The following AXDND1 variants were observed in gnomAD, a reference collection of about 807,000 sequenced individuals.
The protein encoded by AXDND1 is axonemal dynein light chain domain containing 1.
In AXDND1, 110 loss-of-function variants were observed where a neutral mutation model predicts 137.5. That is an observed-to-expected ratio of 0.80 (90% CI 0.69 to 0.94). The LOEUF (loss-of-function observed/expected upper bound fraction) is 0.94, where lower values mean the gene tolerates loss of function less well. AXDND1 is among the 40% of genes least tolerant of loss of function. AXDND1 has a pLI of 0.00. For missense variants in AXDND1, 1,191 were observed against 1,169.8 expected (o/e 1.02, Z -0.26); for synonymous variants, 414 against 399.7 (o/e 1.04, Z -0.43).
chr1:179,430,596 G>A lies in AXDND1; in HGVS notation c.1477G>A (p.Glu493Lys). 1 of 1,609,450 alleles carries A rather than the reference G, an allele frequency of 6.2e-7. No homozygotes were observed. The highest frequency in any genetic ancestry group is 1.1e-5 in the South Asian group (1 of 90,404). ...TAAGGATGGGCTTATCAAATGGCAG[G>A]AGTTCTTCAAGTGAGTCACCAAGAA... is the stretch of plus-strand genomic sequence containing the variant. ...IVKDGLIKWQ[E>K]FFNEKDILSP... Residue 493 changes from glutamate (E) to lysine (K), a missense_variant, in exon 14 of 26, where the codon GAG becomes AAG. By Grantham distance (56) the Glu-to-Lys change is moderately conservative. Transcript: ENST00000367618.
At chr1:179,461,628 A>C (rs898023805) in intron 16 of AXDND1, among the ~76,000 whole-genome samples, 9 of 152,200 alleles carry the variant, frequency 5.9e-5, no homozygotes, top group African/African-American at 1.7e-4. Flanking sequence ...TTGAATCTAT[A>C]AATTACCTTG....
At chr1:179,374,833 G>A (rs1441433962) in intron 4 of AXDND1, among the ~76,000 whole-genome samples, 1 of 145,370 alleles carries the variant, frequency 6.9e-6, no homozygotes, top group Non-Finnish European at 1.5e-5. Context: ...CGTGGGATGG[G>A]GGGAGGGGGG....
chr1:179,510,848 C>T (rs572833299), intron 21 of AXDND1, among the ~76,000 whole-genome samples: 27 of 152,170 alleles, frequency 1.8e-4, no homozygotes, highest in African/African-American at 4.8e-4. Flanking sequence ...ACCCATCACT[C>T]GAGTAGTATA....
chr1:179,435,508 A>G (rs987020734), intron 15 of AXDND1, among the ~76,000 whole-genome samples: 1 of 152,194 alleles, frequency 6.6e-6, no homozygotes, highest in Non-Finnish European at 1.5e-5. Flanking sequence ...GACCAATGGA[A>G]TAAAACAAAC....
chr1:179,390,017 GTTT>G (rs35107498), intron 9 of AXDND1, among the ~76,000 whole-genome samples: 1 of 140,918 alleles, frequency 7.1e-6, no homozygotes, highest in Non-Finnish European at 1.5e-5. Flanking sequence ...ACCTAGATCA[GTTT>G]TTTTTTTTTT....
intron 17 of AXDND1, among the ~76,000 whole-genome samples, chr1:179,477,705 T>C (rs1441456992): frequency 6.6e-6 from 1 of 152,068 alleles, no homozygotes; most frequent in Non-Finnish European, 1.5e-5. Flanking sequence ...AAATCTCATG[T>C]CCTCACATTT....
At chr1:179,455,838 C>T in intron 16 of AXDND1, 1 of 179,282 alleles carries the variant, frequency 5.6e-6, no homozygotes. Context: ...CCATGTTTTG[C>T]ATAATTTTTA....
intron 24 of AXDND1, among the ~76,000 whole-genome samples, chr1:179,534,236 C>T (rs901794473): frequency 4.6e-5 from 7 of 151,994 alleles, no homozygotes; most frequent in African/African-American, 1.5e-4. Flanking sequence ...GTAGAAAGGG[C>T]GGTATAGTTA....
intron 16 of AXDND1, among the ~76,000 whole-genome samples, chr1:179,458,824 C>A (rs1661790438): frequency 6.6e-6 from 1 of 150,904 alleles, no homozygotes. Context: ...TATAATTAAC[C>A]TAACAAAATA....
chr1:179,373,007 T>A (rs760228818), intron 4 of AXDND1, among the ~76,000 whole-genome samples: 8 of 152,186 alleles, frequency 5.3e-5, no homozygotes, highest in Non-Finnish European at 1.2e-4. Flanking sequence ...AATAAAAAAT[T>A]ATATTTCAAC....
chr1:179,448,083 C>T, intron 16 of AXDND1: 2 of 1,045,718 alleles, frequency 1.9e-6, no homozygotes, highest in East Asian at 2.4e-5. Context: ...TATGATTCTG[C>T]ATCATATTAT....
At chr1:179,503,975 G>A (rs547719613) in intron 20 of AXDND1, among the ~76,000 whole-genome samples, 1 of 152,198 alleles carries the variant, frequency 6.6e-6, no homozygotes, top group East Asian at 1.9e-4. Flanking sequence ...GATGAGTATA[G>A]AGAAAATAAA....
At chr1:179,439,713 T>C (rs944342442) in intron 15 of AXDND1, among the ~76,000 whole-genome samples, 5 of 152,186 alleles carry the variant, frequency 3.3e-5, no homozygotes, top group African/African-American at 1.2e-4. Flanking sequence ...GTCCCCAGGT[T>C]ATGAGGGTTG....
intron 11 of AXDND1, among the ~76,000 whole-genome samples, chr1:179,397,953 C>T (rs1651331595): frequency 6.6e-6 from 1 of 152,166 alleles, no homozygotes; most frequent in South Asian, 2.1e-4. Context: ...TCTTAATGAT[C>T]TTCATTCCTA....
At chr1:179,408,531 C>T (rs1653337124) in intron 11 of AXDND1, among the ~76,000 whole-genome samples, 1 of 152,106 alleles carries the variant, frequency 6.6e-6, no homozygotes, top group Admixed American at 6.6e-5. Context: ...CATGCACATG[C>T]CATCACACCT....
In AXDND1 at chr1:179,492,889, AG is replaced by A; in HGVS notation, c.2327del (p.Ser776IlefsTer20). 6.2e-7 allele frequency: 1 copy of A among 1,611,092 alleles called. No homozygotes were observed. Among genetic ancestry groups the A allele is most frequent in the South Asian group, 1.1e-5 (1 of 90,326 alleles). On this transcript the variant is annotated frameshift_variant, in exon 20 of 26. Coordinates refer to ENST00000367618, the MANE Select transcript of AXDND1 (RefSeq NM_144696.6). LOFTEE classifies it high-confidence loss of function. The stretch of plus-strand genomic sequence containing the variant: ...AGGGATGGTAACAGCAATGGCTCTG[AG>A]TAAATCCACTAACTCACACAAAAAT... ...CKGMVTAMAL[S>X]KSTNSHKNAT...
chr1:179,457,846 G>A (rs547260270), intron 16 of AXDND1, among the ~76,000 whole-genome samples: 55 of 152,306 alleles, frequency 3.6e-4, no homozygotes, highest in African/African-American at 1.3e-3. Context: ...TGGATACCTT[G>A]TATTTGGAGT....
intron 14 of AXDND1, among the ~76,000 whole-genome samples, 184 bp downstream of exon 14, chr1:179,430,790 T>C (rs930047492): frequency 6.6e-6 from 1 of 152,234 alleles, no homozygotes. Context: ...TAGTGCTAAG[T>C]ATCTCTCTAG....
At chr1:179,368,696 TTCTC>T in intron 2 of AXDND1, 100 bp from the exon 3 acceptor site, 1 of 886,146 alleles carries the variant, frequency 1.1e-6, no homozygotes, top group South Asian at 2.0e-5. Flanking sequence ...GAAGCAATGT[TTCTC>T]TCTGTTAGAA....
Sources: gnomAD v4.1 joint callset for allele counts (sites outside exome capture counted in the v4.1 genomes callset) on GRCh38, gnomAD v4.1.1 for gene constraint, MANE v1.5 for transcripts, NCBI Gene and HGNC (gene_info 2026-07-23, HGNC 2026-07-21) for gene names.